The following CEP250 variants were observed in gnomAD, a reference collection of about 807,000 sequenced individuals.
CEP250 encodes centrosome-associated protein CEP250.
In CEP250, 242 loss-of-function variants were observed where a neutral mutation model predicts 315.7. The ratio of observed to expected loss-of-function variants is 0.77; its 90% CI spans 0.69 to 0.85. The LOEUF (loss-of-function observed/expected upper bound fraction) is 0.85, where lower values mean the gene tolerates loss of function less well. Ranked by LOEUF, CEP250 falls within the 40% of genes least tolerant of loss-of-function variation. The pLI, the probability that CEP250 is intolerant of heterozygous loss-of-function variation, is 0.00. For missense variants in CEP250, 2,515 were observed against 2,886.4 expected, an observed-to-expected ratio of 0.87 and a Z score of 2.95; for synonymous variants, 1,088 against 1,175.0, an observed-to-expected ratio of 0.93 and a Z score of 1.51.
chr20:35,465,710 G>A lies in CEP250; in HGVS notation c.244-33G>A, dbSNP rs535520593. Reference sequence around the variant, plus strand: ...ACTGGTCTGAGTGATGTTCTCTTTGGAGGTAAGTAAGGCTTGTCTCTGTCT... The same window carrying A: ...ACTGGTCTGAGTGATGTTCTCTTTGAAGGTAAGTAAGGCTTGTCTCTGTCT... On this transcript the variant is annotated intron_variant, in intron 5 of 34. Coordinates refer to ENST00000397527, the MANE Select transcript of CEP250 (RefSeq NM_007186.6). 51 of 1,508,546 alleles carry A rather than the reference G, an allele frequency of 3.4e-5. No homozygotes were observed. In the South Asian group the frequency reaches 5.8e-4, roughly 17 times the overall value. The allele number at this position is 1,508,546 out of a possible 1,614,324, so 93.4% of individuals were successfully genotyped here. A position where few individuals can be genotyped will look rare whatever the true frequency, so the allele number is the denominator to read the frequency against.
chr20:35,499,640 A>G (rs773879376), intron 27 of CEP250, among the ~76,000 whole-genome samples: 1 of 152,262 alleles, frequency 6.6e-6, no homozygotes, highest in African/African-American at 2.4e-5. Flanking sequence ...AATTGGATCA[A>G]TAACAGACGC....
At position 35,511,995 on chromosome 20, in the gene CEP250, T is replaced by G; in HGVS notation, c.*369T>G. 1 of 1,050,414 alleles carries G rather than the reference T, an allele frequency of 9.5e-7. No individual in the cohort carries two copies. Among genetic ancestry groups the G allele is most frequent in the Non-Finnish European group, 1.1e-6 (1 of 871,700 alleles). The allele number at this position is 1,050,414 out of a possible 1,614,324, so 65.1% of individuals were successfully genotyped here. A position where few individuals can be genotyped will look rare whatever the true frequency, so the allele number is the denominator to read the frequency against. On this transcript the variant is annotated 3_prime_UTR_variant, in exon 35 of 35. Coordinates refer to ENST00000397527, the MANE Select transcript of CEP250 (RefSeq NM_007186.6). ...ATTCATTTTCTGCTGCTGTCTCCAC[T>G]TGTGCAGCTGGGTGGCAGCACCACA...
At chr20:35,489,060 C>T (rs1161257497) in intron 20 of CEP250, among the ~76,000 whole-genome samples, 1 of 151,902 alleles carries the variant, frequency 6.6e-6, no homozygotes, top group South Asian at 2.1e-4. Flanking sequence ...TGGTGGCGGG[C>T]GCCTGTAATC....
At chr20:35,488,722 G>A (rs1250424956) in intron 20 of CEP250, among the ~76,000 whole-genome samples, 4 of 152,088 alleles carry the variant, frequency 2.6e-5, no homozygotes, top group East Asian at 1.9e-4. Flanking sequence ...CCTCGGCCTC[G>A]CAAAATGTTG....
chr20:35,492,417 T>C (rs897427409), intron 22 of CEP250, among the ~76,000 whole-genome samples: 5 of 152,160 alleles, frequency 3.3e-5, no homozygotes, highest in Non-Finnish European at 4.4e-5. Context: ...TGCACAACTC[T>C]GTGAATATCC....
rs907970295 is a variant in CEP250, at chr20:35,512,680, C to T, written c.*1054C>T. ...GCTTAAGACCTATTGCTGGCAACCTCCTCAAAGCCTAAAAATTGTTTAATT... is the reference window on the plus strand; with the variant it reads ...GCTTAAGACCTATTGCTGGCAACCTTCTCAAAGCCTAAAAATTGTTTAATT... On this transcript the variant is annotated 3_prime_UTR_variant, in exon 35 of 35. Transcript: ENST00000397527. 1.3e-5 allele frequency: 2 copies of T among 152,196 alleles called. No individual in the cohort carries two copies. The highest frequency in any genetic ancestry group is 4.8e-5 in the African/African-American group (2 of 41,436). The allele number at this position is 152,196 out of a possible 1,614,324, so 9.4% of individuals were successfully genotyped here. A position where few individuals can be genotyped will look rare whatever the true frequency, so the allele number is the denominator to read the frequency against.
intron 33 of CEP250, among the ~76,000 whole-genome samples, chr20:35,509,779 TTG>T (rs2064302159): frequency 2.0e-5 from 3 of 152,252 alleles, no homozygotes; most frequent in Non-Finnish European, 2.9e-5. Flanking sequence ...TTTGGATGTT[TTG>T]TGTCAGGTCT....
intron 29 of CEP250, 63 bp downstream of exon 29, chr20:35,502,029 G>A: frequency 6.4e-7 from 1 of 1,563,076 alleles, no homozygotes; most frequent in South Asian, 1.2e-5. Flanking sequence ...GCCCACCTTG[G>A]CCTGTGGTCC....
intron 9 of CEP250, among the ~76,000 whole-genome samples, chr20:35,468,497 A>G (rs1568763973): frequency 6.6e-6 from 1 of 152,220 alleles, no homozygotes; most frequent in Non-Finnish European, 1.5e-5. Flanking sequence ...AAGTTCATAT[A>G]TGCCCATGAC....
chr20:35,461,580 T>A (rs1271089212), intron 3 of CEP250, among the ~76,000 whole-genome samples: 1 of 152,238 alleles, frequency 6.6e-6, no homozygotes, highest in African/African-American at 2.4e-5. Context: ...AAATGCCTGC[T>A]ACCCCTTTTC....
rs1441864762 is a variant in CEP250, at chr20:35,479,649, A to G, written c.2292A>G (p.Ser764=). ...TTCTGATTCCTGAACCTCACAGCTC[A>G]GCCAAGGAGCTACTGGAGAGCAGTC... ...DLAEQLQGLS[S]AKELLESSLF... is the part of the protein sequence containing the mutation. Residue 764 remains serine (S), a synonymous_variant, in exon 19 of 35, where the codon TCA becomes TCG. Transcript: ENST00000397527. 6.2e-7 allele frequency: 1 copy of G among 1,614,174 alleles called. No individual in the cohort carries two copies. The highest frequency in any genetic ancestry group is 8.5e-7 in the Non-Finnish European group (1 of 1,180,002).
rs139549707 is a variant in CEP250 at position 35,470,758 on chromosome 20, A to C, written c.948+772A>C. Among the ~76,000 whole-genome samples the C allele has an allele frequency of 2.0e-5, 3 of 152,328 alleles. No individual in the cohort carries two copies. The East Asian group carries it at 5.8e-4, about 29-fold the overall frequency. ...ACAAGAGTGAAACTCCGTCTCAAAA[A>C]AGAGAAAAGAGAGTTTACATATTTA... On this transcript the variant is annotated intron_variant, in intron 10 of 34. Coordinates refer to ENST00000397527, the MANE Select transcript of CEP250 (RefSeq NM_007186.6).
chr20:35,500,698 A>C (rs1212062225), intron 28 of CEP250, among the ~76,000 whole-genome samples: 1 of 152,260 alleles, frequency 6.6e-6, no homozygotes, highest in Non-Finnish European at 1.5e-5. Flanking sequence ...GGCGTGAGCC[A>C]CTGCGCCCAG....
chr20:35,491,380 G>A lies in CEP250; in HGVS notation c.2889+34G>A, dbSNP rs1430571697. Reference sequence around the variant, plus strand: ...GGTGGTCTCGGGAGTAGGGGAGAAAGGGGCACTCATTTACCCATTCGACCA... The same window carrying A: ...GGTGGTCTCGGGAGTAGGGGAGAAAAGGGCACTCATTTACCCATTCGACCA... On this transcript the variant is annotated intron_variant, in intron 22 of 34. Coordinates refer to ENST00000397527, the MANE Select transcript of CEP250 (RefSeq NM_007186.6). The A allele has an allele frequency of 1.9e-6, 3 of 1,564,692 alleles. No homozygotes were observed. In the South Asian group the frequency reaches 3.5e-5, roughly 18 times the overall value.
rs1232159500 is a variant in CEP250 at position 35,466,180 on chromosome 20, G to A, written c.468G>A (p.Glu156=). ...SRARDELMRK[E]SQWQMEQEFF... ...CCCGGGATGAGCTAATGAGGAAGGA[G>A]AGCCAGTGGCAGATGGAGCAGGAGG... is the stretch of plus-strand genomic sequence containing the variant. Residue 156 remains glutamate (E), a synonymous_variant, in exon 7 of 35, where the codon GAG becomes GAA. Transcript: ENST00000397527. The A allele has an allele frequency of 2.5e-6, 4 of 1,603,084 alleles. No individual in the cohort carries two copies. The highest frequency in any genetic ancestry group is 3.4e-6 in the Non-Finnish European group (4 of 1,173,810).
chr20:35,492,422 A>C (rs1450375112), intron 22 of CEP250, among the ~76,000 whole-genome samples: 2 of 152,202 alleles, frequency 1.3e-5, no homozygotes, highest in Non-Finnish European at 2.9e-5. Flanking sequence ...AACTCTGTGA[A>C]TATCCTAAAA....
intron 24 of CEP250, among the ~76,000 whole-genome samples, chr20:35,495,113 G>T (rs928701178): frequency 6.6e-6 from 1 of 152,214 alleles, no homozygotes; most frequent in Admixed American, 6.5e-5. Flanking sequence ...AAGGGTGAGG[G>T]GGAGTTCTAT....
At chr20:35,472,196 C>T (rs2063040791) in intron 11 of CEP250, 45 bp downstream of exon 11, 1 of 1,088,002 alleles carries the variant, frequency 9.2e-7, no homozygotes, top group African/African-American at 1.5e-5. Context: ...TATGCCTCCA[C>T]TCCCCAGGTC....
At chr20:35,464,123 A>G (rs1169326994) in intron 5 of CEP250, among the ~76,000 whole-genome samples, 1 of 152,260 alleles carries the variant, frequency 6.6e-6, no homozygotes, top group Non-Finnish European at 1.5e-5. Context: ...TCCAGGCAGC[A>G]TGAGGCACTG....
Sources: gnomAD v4.1 joint callset for allele counts (sites outside exome capture counted in the v4.1 genomes callset) on GRCh38, gnomAD v4.1.1 for gene constraint, MANE v1.5 for transcripts, NCBI Gene and HGNC (gene_info 2026-07-23, HGNC 2026-07-21) for gene names.